Variants in RNF111 observed in about 807,000 individuals in gnomAD.
RNF111 encodes E3 ubiquitin-protein ligase Arkadia.
In RNF111, 17 loss-of-function variants were observed where a neutral mutation model predicts 95.1. That is an observed-to-expected ratio of 0.18 (90% CI 0.12 to 0.27). The LOEUF (loss-of-function observed/expected upper bound fraction) is 0.27. Among genes scored for constraint, RNF111 ranks in the 10% least tolerant of loss-of-function variants. RNF111 has a pLI of 1.00. For synonymous variants in RNF111, 440 were observed against 414.8 expected, an observed-to-expected ratio of 1.06 and a Z score of -0.74; for missense variants, 1,189 against 1,210.4, an observed-to-expected ratio of 0.98 and a Z score of 0.26.
chr15:59,090,105 A>G (rs921514723), intron 11 of RNF111, among the ~76,000 whole-genome samples: 2 of 152,246 alleles, frequency 1.3e-5, no homozygotes, highest in Non-Finnish European at 2.9e-5. Flanking sequence ...TCGGTAGAGA[A>G]AAAGAAACTT....
chr15:59,012,327 T>G (rs997237931), intron 1 of RNF111, among the ~76,000 whole-genome samples: 63 of 152,170 alleles, frequency 4.1e-4, no homozygotes, highest in African/African-American at 1.4e-3. Flanking sequence ...CCTGCTGTTC[T>G]GTCTTAATTT....
In RNF111 at chr15:59,081,123, C is replaced by G; in HGVS notation, c.2136C>G (p.His712Gln). ...CTGTGGCACCCCCACCACCAACTCA[C>G]TTAGCCAGTACAGCTGCACCAATCC... Reference protein sequence around the residue: ...SHPVAPPPPTHLASTAAPIPQ... With the variant: ...SHPVAPPPPTQLASTAAPIPQ... Residue 712 changes from histidine (H) to glutamine (Q), a missense_variant, in exon 8 of 14, where the codon CAC (histidine) becomes CAG (glutamine). By Grantham distance (24) the His-to-Gln change is conservative. Coordinates refer to ENST00000348370, the MANE Select transcript of RNF111 (RefSeq NM_017610.8). 1 of 1,614,134 alleles carries G rather than the reference C, an allele frequency of 6.2e-7. No individual in the cohort carries two copies. Among genetic ancestry groups the G allele is most frequent in the African/African-American group, 1.3e-5 (1 of 75,026 alleles).
Position 59,089,766 on chromosome 15 carries a change from A to T in RNF111, c.2643+7A>T. The T allele has an allele frequency of 1.3e-6, 2 of 1,556,420 alleles. No homozygotes were observed. The highest frequency in any genetic ancestry group is 1.8e-6 in the Non-Finnish European group (2 of 1,127,784). Reference sequence around the variant, plus strand: ...TTTCAGGGGCAATTTTGAGGTATGTAATAAAATAAATGAATATGTTTGTCA... The same window carrying T: ...TTTCAGGGGCAATTTTGAGGTATGTTATAAAATAAATGAATATGTTTGTCA... On this transcript the variant is annotated splice_region_variant and intron_variant, in intron 11 of 13. Transcript: ENST00000348370.
At chr15:59,032,685 T>C (rs540509883) in intron 2 of RNF111, among the ~76,000 whole-genome samples, 3 of 152,346 alleles carry the variant, frequency 2.0e-5, no homozygotes, top group African/African-American at 7.2e-5. Context: ...GCTCTCAATA[T>C]TTTTTCTTTA....
intron 1 of RNF111, among the ~76,000 whole-genome samples, chr15:59,024,704 T>C (rs1055805361): frequency 6.6e-6 from 1 of 152,312 alleles, no homozygotes; most frequent in East Asian, 1.9e-4. Flanking sequence ...TAACATAAAA[T>C]TACCATTTTT....
At chr15:59,065,774 A>AG (rs1398255378) in intron 5 of RNF111, among the ~76,000 whole-genome samples, 3 of 152,136 alleles carry the variant, frequency 2.0e-5, no homozygotes, top group African/African-American at 7.2e-5. Context: ...TGGGATGCTG[A>AG]GGTGGGCGGA....
intron 2 of RNF111, among the ~76,000 whole-genome samples, chr15:59,036,922 T>C (rs2141827784): frequency 6.6e-6 from 1 of 152,100 alleles, no homozygotes; most frequent in Admixed American, 6.5e-5. Context: ...CTCAACCTCC[T>C]TGGGCTCAGG....
rs2040871023 is a variant in RNF111, at chr15:59,030,889, C to G, written c.67C>G (p.Pro23Ala). 6 of 1,613,992 alleles carry G rather than the reference C, an allele frequency of 3.7e-6. No homozygotes were observed. Among genetic ancestry groups the G allele is most frequent in the Admixed American group, 3.3e-5 (2 of 60,010 alleles). ...TLKVDMKSEI[P>A]SDAPKTQESL... ...AAAAGTGGATATGAAGAGTGAGATT[C>G]CTTCTGATGCACCAAAGACACAGGA... Residue 23 changes from proline to alanine, a missense_variant, in exon 2 of 14, where the codon CCT (proline) becomes GCT (alanine). Around this residue, in one of 2 missense-constraint regions of RNF111, gnomAD observed 1,024 missense variants for 925.9 expected, o/e 1.11. Coordinates refer to ENST00000348370, the MANE Select transcript of RNF111 (RefSeq NM_017610.8).
intron 1 of RNF111, among the ~76,000 whole-genome samples, chr15:59,019,056 T>C (rs561555302): frequency 6.6e-6 from 1 of 151,682 alleles, no homozygotes; most frequent in East Asian, 1.9e-4. Context: ...CCCGTGTAGG[T>C]GAGACTTCAG....
rs1283057481 is a variant in RNF111 at position 59,031,297 on chromosome 15, A to G, written c.475A>G (p.Lys159Glu). Residue 159 changes from lysine to glutamate, a missense_variant, in exon 2 of 14, where the codon AAA (lysine) becomes GAA (glutamate). Coordinates refer to ENST00000348370, the MANE Select transcript of RNF111 (RefSeq NM_017610.8). ...DSDTVTSDEDKEVSVRHSQTI... is the reference protein window; with the variant it reads ...DSDTVTSDEDEEVSVRHSQTI... ...TGATACTGTGACTTCAGATGAGGAT[A>G]AAGAAGTCTCTGTAAGACATTCCCA... 6.2e-7 allele frequency: 1 copy of G among 1,614,152 alleles called. No homozygotes were observed. The highest frequency in any genetic ancestry group is 8.5e-7 in the Non-Finnish European group (1 of 1,180,020).
chr15:59,075,831 T>C, intron 6 of RNF111, 123 bp from the exon 7 acceptor site: 2 of 1,056,256 alleles, frequency 1.9e-6, no homozygotes, highest in Non-Finnish European at 1.3e-6. Flanking sequence ...ACTAAGAATC[T>C]TCCTGGTTTC....
chr15:59,042,222 G>A (rs990193880), intron 2 of RNF111, among the ~76,000 whole-genome samples: 4 of 151,860 alleles, frequency 2.6e-5, no homozygotes, highest in South Asian at 2.1e-4. Context: ...AGCCTCCCAC[G>A]CTTAAGCAAT....
intron 2 of RNF111, among the ~76,000 whole-genome samples, chr15:59,045,378 A>G (rs1032416658): frequency 1.3e-5 from 2 of 151,892 alleles, no homozygotes; most frequent in African/African-American, 4.8e-5. Flanking sequence ...TTTAGTAGAG[A>G]CGGGGTTTTA....
chr15:59,035,094 G>A (rs964121887), intron 2 of RNF111, among the ~76,000 whole-genome samples: 1 of 152,168 alleles, frequency 6.6e-6, no homozygotes, highest in Non-Finnish European at 1.5e-5. Context: ...AGATTGTGCA[G>A]GGGAACTCCC....
chr15:59,022,585 C>T (rs113710080), intron 1 of RNF111, among the ~76,000 whole-genome samples: 6 of 152,292 alleles, frequency 3.9e-5, no homozygotes, highest in African/African-American at 1.4e-4. Flanking sequence ...CTTGTGCAGT[C>T]CTCTTTTAAC....
intron 3 of RNF111, among the ~76,000 whole-genome samples, chr15:59,055,182 A>G (rs2141989641): frequency 6.6e-6 from 1 of 152,318 alleles, no homozygotes; most frequent in Admixed American, 6.5e-5. Context: ...CACATCAGGA[A>G]ATCTCCCTGG....
Position 59,067,087 on chromosome 15 carries a change from T to A in RNF111, c.1686+4T>A. The stretch of plus-strand genomic sequence containing the variant: ...TGGTACCAGCTATCATGAACAGGTA[T>A]GTGGAATTTGAGTCAGTCTTTCTTT... On this transcript the variant is annotated splice_donor_region_variant and intron_variant, in intron 6 of 13. Coordinates refer to ENST00000348370, the MANE Select transcript of RNF111 (RefSeq NM_017610.8). The A allele has an allele frequency of 6.2e-7, 1 of 1,610,592 alleles. No homozygotes were observed. The highest frequency in any genetic ancestry group is 1.1e-5 in the South Asian group (1 of 90,928).
intron 4 of RNF111, 113 bp from the exon 5 acceptor site, chr15:59,058,238 GAGCTT>G (rs2042280115): frequency 1.3e-6 from 1 of 774,982 alleles, no homozygotes; most frequent in African/African-American, 1.8e-5. Context: ...TGTTATTAGA[GAGCTT>G]GTATTTTTAA....
chr15:59,041,157 C>G (rs1174678487), intron 2 of RNF111, among the ~76,000 whole-genome samples: 2 of 152,136 alleles, frequency 1.3e-5, no homozygotes, highest in African/African-American at 4.8e-5. Context: ...TGTTGTTAAG[C>G]TTCATCATAC....
Sources: allele counts gnomAD v4.1 joint callset (sites outside exome capture counted in the v4.1 genomes callset), GRCh38; gene constraint gnomAD v4.1.1; regional missense constraint gnomAD v4.1.1; transcripts MANE v1.5; gene names NCBI Gene and HGNC (gene_info 2026-07-23, HGNC 2026-07-21).